RAD51B: variants seen among roughly 807,000 people sequenced by gnomAD.
The protein encoded by RAD51B is DNA repair protein RAD51 homolog 2.
In RAD51B, 38 loss-of-function variants were observed where a neutral mutation model predicts 42.2. That is an observed-to-expected ratio of 0.90 (90% CI 0.70 to 1.18). The LOEUF (loss-of-function observed/expected upper bound fraction) is 1.18, where lower values mean the gene tolerates loss of function less well. RAD51B is among the 50% of genes most tolerant of loss of function. The pLI is 0.00. For missense variants in RAD51B, 373 were observed against 400.7 expected (o/e 0.93, Z 0.59); for synonymous variants, 154 against 145.2 (o/e 1.06, Z -0.43).
At chr14:68,031,286 C>T (rs2076037138) in intron 7 of RAD51B, among the ~76,000 whole-genome samples, 1 of 152,178 alleles carries the variant, frequency 6.6e-6, no homozygotes, top group Admixed American at 6.5e-5. Flanking sequence ...ATCTTATTCA[C>T]TACCATGAGA....
chr14:68,518,660 C>T (rs1414337277), intron 10 of RAD51B, among the ~76,000 whole-genome samples: 2 of 151,404 alleles, frequency 1.3e-5, no homozygotes, highest in Non-Finnish European at 2.9e-5. Context: ...GTGACTTGAC[C>T]AGAAAGCTTA....
At chr14:68,102,773 A>G (rs2077312761) in intron 7 of RAD51B, among the ~76,000 whole-genome samples, 1 of 152,040 alleles carries the variant, frequency 6.6e-6, no homozygotes, top group South Asian at 2.1e-4. Flanking sequence ...GGGTATCCTT[A>G]TAGCAGCACC....
intron 7 of RAD51B, among the ~76,000 whole-genome samples, chr14:68,257,994 G>T (rs2080789709): frequency 6.6e-6 from 1 of 152,144 alleles, no homozygotes; most frequent in Admixed American, 6.5e-5. Context: ...CATTATGCTG[G>T]ATGTTTAGTA....
rs529719617 is a variant in RAD51B, at chr14:68,650,912, G to A, written c.*11+56G>A. The A allele has an allele frequency of 3.2e-5, 22 of 689,428 alleles. 1 individual carries two copies. The highest frequency in any genetic ancestry group is 2.6e-4 in the South Asian group (17 of 65,630). The allele number at this position is 689,428 out of a possible 1,614,324, so 42.7% of individuals were successfully genotyped here. A position where few individuals can be genotyped will look rare whatever the true frequency, so the allele number is the denominator to read the frequency against. On this transcript the variant is annotated intron_variant, in intron 11 of 11. Transcript: ENST00000488612. ...CAGGGAAAAGTAACCACTACCACAG[G>A]AAGAGATCAGAAAATGATATAAAGT...
intron 9 of RAD51B, among the ~76,000 whole-genome samples, chr14:68,431,475 C>T (rs1199402617): frequency 6.6e-6 from 1 of 152,138 alleles, no homozygotes; most frequent in Non-Finnish European, 1.5e-5. Context: ...CTGGTTTAGT[C>T]TTGGGAGGGT....
chr14:67,900,598 T>G (rs1324623601), intron 7 of RAD51B, among the ~76,000 whole-genome samples: 5 of 142,238 alleles, frequency 3.5e-5, no homozygotes, highest in Admixed American at 1.4e-4. Flanking sequence ...TTCTTTCAGT[T>G]TGTGTGTGTG....
rs2078018312 is a variant in RAD51B at position 68,136,596 on chromosome 14, A to G, written c.757-155288A>G. On this transcript the variant is annotated intron_variant, in intron 7 of 10. Coordinates refer to ENST00000471583, the MANE Select transcript of RAD51B (RefSeq NM_133510.4). ...ATCTCAAAAAAAAAAAAAAAAAAAA[A>G]AAAAAGAAGTAGACCAGCCATACTT... 4.9e-5 allele frequency among the ~76,000 whole-genome samples: 3 copies of G among 61,752 alleles called. 1 individual carries two copies. The highest frequency in any genetic ancestry group is 1.0e-4 in the African/African-American group (3 of 28,782). 40.5% of individuals were successfully genotyped at this position (61,752 alleles called of 152,430 possible). A position where few individuals can be genotyped will look rare whatever the true frequency, so the allele number is the denominator to read the frequency against.
In RAD51B at chr14:68,501,998, G is replaced by A. The variant is rs376068054; in HGVS notation, c.1036+33748G>A. 2.5e-4 allele frequency among the ~76,000 whole-genome samples: 38 copies of A among 152,292 alleles called. No homozygotes were observed. In the East Asian group the frequency reaches 5.4e-3, roughly 22 times the overall value. On this transcript the variant is annotated intron_variant, in intron 10 of 10. Transcript: ENST00000487270. Reference sequence around the variant, plus strand: ...CTGCCCAATGCCCAGATGCTGATTCGCCAGGTGCCTGGCTGCCACAGCCCG... The same window carrying A: ...CTGCCCAATGCCCAGATGCTGATTCACCAGGTGCCTGGCTGCCACAGCCCG...
intron 7 of RAD51B, among the ~76,000 whole-genome samples, chr14:68,078,833 A>G (rs1439127222): frequency 6.6e-6 from 1 of 152,142 alleles, no homozygotes; most frequent in African/African-American, 2.4e-5. Flanking sequence ...CTACAAAAAA[A>G]TAAAAAATTA....
chr14:67,841,994 C>T (rs374165586), intron 4 of RAD51B, among the ~76,000 whole-genome samples: 5 of 152,254 alleles, frequency 3.3e-5, no homozygotes, highest in East Asian at 1.9e-4. Context: ...GCCATTTTAA[C>T]GGTATTGATT....
At chr14:68,555,770 T>G (rs1888811017) in intron 10 of RAD51B, among the ~76,000 whole-genome samples, 1 of 152,184 alleles carries the variant, frequency 6.6e-6, no homozygotes, top group African/African-American at 2.4e-5. Context: ...AAGACCCTGA[T>G]TGACAGCTGG....
chr14:68,309,143 T>A (rs2081923663), intron 8 of RAD51B, among the ~76,000 whole-genome samples: 1 of 152,222 alleles, frequency 6.6e-6, no homozygotes, highest in African/African-American at 2.4e-5. Context: ...ACGAGTTATC[T>A]TGCTTATGGA....
At chr14:68,216,222 G>A (rs112257714) in intron 7 of RAD51B, among the ~76,000 whole-genome samples, 1 of 152,196 alleles carries the variant, frequency 6.6e-6, no homozygotes, top group Non-Finnish European at 1.5e-5. Flanking sequence ...GGGACTTTAA[G>A]TGAGTTACTG....
chr14:67,961,692 C>A (rs1395853557), intron 7 of RAD51B, among the ~76,000 whole-genome samples: 2 of 152,108 alleles, frequency 1.3e-5, no homozygotes, highest in African/African-American at 4.8e-5. Context: ...CTTGCTTAGA[C>A]AAATCATTTC....
In RAD51B at chr14:68,339,246, A is replaced by G. The variant is rs2082523500; in HGVS notation, c.853+47266A>G. 8 of 1,132,002 alleles carry G rather than the reference A, an allele frequency of 7.1e-6. No homozygotes were observed. In the Admixed American group the frequency reaches 1.1e-4, roughly 16 times the overall value. The allele number at this position is 1,132,002 out of a possible 1,614,324, so 70.1% of individuals were successfully genotyped here. ...CCTGTACTTGTGGGCCAGCTTAAGC[A>G]GCTGAGTAGCTGTTTGGTGGTCCAG... On this transcript the variant is annotated intron_variant, in intron 8 of 10. Coordinates refer to ENST00000471583, the MANE Select transcript of RAD51B (RefSeq NM_133510.4).
intron 10 of RAD51B, among the ~76,000 whole-genome samples, chr14:68,604,719 C>G (rs1891373007): frequency 6.6e-6 from 1 of 152,208 alleles, no homozygotes. Flanking sequence ...ATGGGCCCTC[C>G]TCCTCACTGA....
At chr14:68,447,079 C>T (rs566172835) in intron 9 of RAD51B, among the ~76,000 whole-genome samples, 22 of 152,142 alleles carry the variant, frequency 1.4e-4, no homozygotes, top group African/African-American at 4.8e-4. Context: ...ATTAGCCGGG[C>T]GTGGTGGCAC....
chr14:68,552,388 T>C (rs1401059321), intron 10 of RAD51B, among the ~76,000 whole-genome samples: 2 of 152,156 alleles, frequency 1.3e-5, no homozygotes, highest in Admixed American at 6.5e-5. Context: ...AACAGCACCT[T>C]TCCTTCAGTC....
chr14:68,278,570 A>C (rs938779502), intron 7 of RAD51B, among the ~76,000 whole-genome samples: 8 of 152,236 alleles, frequency 5.3e-5, no homozygotes, highest in African/African-American at 1.9e-4. Flanking sequence ...TTTGTTAAAA[A>C]TTCCAAGTAA....
Sources: gnomAD v4.1 joint callset for allele counts (sites outside exome capture counted in the v4.1 genomes callset) on GRCh38, gnomAD v4.1.1 for gene constraint, MANE v1.5 for transcripts, NCBI Gene and HGNC (gene_info 2026-07-23, HGNC 2026-07-21) for gene names.